The following EXPH5 variants were observed in gnomAD, a reference collection of about 807,000 sequenced individuals.
EXPH5 encodes exophilin-5.
Under a neutral mutation model 41.1 loss-of-function variants are expected in EXPH5, and 42 were observed. That is an observed-to-expected ratio of 1.02 (90% CI 0.80 to 1.32). The LOEUF is 1.32. EXPH5 is among the 40% of genes most tolerant of loss of function. The pLI, the probability that EXPH5 is intolerant of heterozygous loss-of-function variation, is 0.00. For synonymous variants in EXPH5, 798 were observed against 833.5 expected, an observed-to-expected ratio of 0.96 and a Z score of 0.73; for missense variants, 2,298 against 2,314.5, an observed-to-expected ratio of 0.99 and a Z score of 0.15.
upstream of EXPH5, among the ~76,000 whole-genome samples, chr11:108,595,496 C>T (rs1347984597): frequency 6.6e-6 from 1 of 152,168 alleles, no homozygotes; most frequent in Non-Finnish European, 1.5e-5. Flanking sequence ...CTCATATTCC[C>T]TCAACCTCTT....
intron 1 of EXPH5, 54 bp downstream of exon 1, chr11:108,593,364 C>T (rs2094133075): frequency 1.3e-6 from 2 of 1,521,912 alleles, no homozygotes; most frequent in African/African-American, 1.4e-5. Context: ...CCCGCGGATC[C>T]CCGGCCCCTG....
rs1447525685 is a variant in EXPH5 at position 108,507,250 on chromosome 11, A to G, written c.*2287T>C. ...GTTCATTAGCTTTGAGTTGCATGGG[A>G]ACCATGTAAAGTAACCCACGCATTT... On this transcript the variant is annotated 3_prime_UTR_variant, in exon 6 of 6. Transcript: ENST00000265843. 1 of 152,182 alleles carries G rather than the reference A, an allele frequency of 6.6e-6. No homozygotes were observed. Among genetic ancestry groups the G allele is most frequent in the Non-Finnish European group, 1.5e-5 (1 of 68,034 alleles). 9.4% of individuals were successfully genotyped at this position (152,182 alleles called of 1,614,324 possible). A position where few individuals can be genotyped will look rare whatever the true frequency, so the allele number is the denominator to read the frequency against.
chr11:108,579,791 TG>T (rs1475113168), intron 1 of EXPH5, among the ~76,000 whole-genome samples: 1 of 152,086 alleles, frequency 6.6e-6, no homozygotes, highest in Admixed American at 6.6e-5. Context: ...AACCCAGAAA[TG>T]AGCATTGGTG....
chr11:108,541,712 C>T lies in EXPH5; in HGVS notation c.220G>A (p.Val74Ile), dbSNP rs747914907. The change falls in exon 2 of 6, where the codon GTT becomes ATT. Residue 74 changes from valine to isoleucine, a missense_variant. Physicochemically the swap from Val to Ile is conservative, Grantham distance 29. Coordinates refer to ENST00000265843, the MANE Select transcript of EXPH5 (RefSeq NM_015065.3). ...QRKKFCNETDVSQMLKQPLTY... is the reference protein window; with the variant it reads ...QRKKFCNETDISQMLKQPLTY... ...AGTGGTTGTTTTAACATTTGGCTAACATCTGTTTCATTGCAAAACTTTTTT... is the reference window on the plus strand; with the variant it reads ...AGTGGTTGTTTTAACATTTGGCTAATATCTGTTTCATTGCAAAACTTTTTT... 5.0e-6 allele frequency: 8 copies of T among 1,613,072 alleles called. No individual in the cohort carries two copies. The highest frequency in any genetic ancestry group is 4.5e-5 in the East Asian group (2 of 44,854).
chr11:108,541,460 G>T (rs1308385890), intron 2 of EXPH5, among the ~76,000 whole-genome samples, 192 bp downstream of exon 2: 2 of 151,530 alleles, frequency 1.3e-5, no homozygotes, highest in South Asian at 2.1e-4. Flanking sequence ...AAAAATCCAA[G>T]ACATTATTAC....
chr11:108,556,421 G>T (rs2093990319), intron 1 of EXPH5, among the ~76,000 whole-genome samples: 1 of 152,066 alleles, frequency 6.6e-6, no homozygotes, highest in South Asian at 2.1e-4. Context: ...ACAGGAGAAG[G>T]TCAGTACCAG....
chr11:108,593,383 A>G (rs1176126916), intron 1 of EXPH5, 35 bp downstream of exon 1: 1 of 1,583,648 alleles, frequency 6.3e-7, no homozygotes, highest in Non-Finnish European at 8.7e-7. Context: ...TGCGGGACCC[A>G]GGCCCAGGAC....
intron 4 of EXPH5, among the ~76,000 whole-genome samples, chr11:108,525,964 T>A (rs929030109): frequency 6.6e-6 from 1 of 150,516 alleles, no homozygotes; most frequent in African/African-American, 2.5e-5. Context: ...GCCCAGGCTG[T>A]AGTACAGTGA....
upstream of EXPH5, among the ~76,000 whole-genome samples, chr11:108,596,413 G>A (rs2094138983): frequency 6.6e-6 from 1 of 152,148 alleles, no homozygotes; most frequent in Non-Finnish European, 1.5e-5. Flanking sequence ...GATTAAGAAA[G>A]ACAGAGACGC....
chr11:108,584,757 T>A (rs2136119575), intron 1 of EXPH5, among the ~76,000 whole-genome samples: 1 of 152,342 alleles, frequency 6.6e-6, no homozygotes, highest in Middle Eastern at 3.4e-3. Flanking sequence ...ACATAAATCT[T>A]ATTTCAAAAT....
chr11:108,573,077 A>C (rs2094066317), intron 1 of EXPH5, among the ~76,000 whole-genome samples: 1 of 150,676 alleles, frequency 6.6e-6, no homozygotes. Flanking sequence ...AATAAGAGAG[A>C]GAGAGAGAGA....
the EXPH5 span, among the ~76,000 whole-genome samples, chr11:108,604,795 G>A: frequency 6.6e-6 from 1 of 152,180 alleles, no homozygotes; most frequent in East Asian, 1.9e-4. Context: ...GCTACTACCT[G>A]TGGTCAAGAA....
At chr11:108,532,351 TA>T (rs2093844615) in intron 3 of EXPH5, among the ~76,000 whole-genome samples, 1 of 9,204 alleles carries the variant, frequency 1.1e-4, no homozygotes, top group Non-Finnish European at 2.1e-4. Context: ...TATATATATA[TA>T]TATATATATA....
At chr11:108,597,619 C>A (rs1188793618), upstream of EXPH5, among the ~76,000 whole-genome samples, 2 of 151,956 alleles carry the variant, frequency 1.3e-5, no homozygotes, top group African/African-American at 2.4e-5. Context: ...AATGTCTGTC[C>A]CAGACAACAC....
intron 1 of EXPH5, among the ~76,000 whole-genome samples, chr11:108,558,151 C>T (rs1450026723): frequency 1.3e-5 from 2 of 152,112 alleles, no homozygotes; most frequent in Non-Finnish European, 2.9e-5. Context: ...CCATGTTGTC[C>T]AGGCTGGTCT....
chr11:108,595,094 A>G (rs1447979822), upstream of EXPH5, among the ~76,000 whole-genome samples: 2 of 152,214 alleles, frequency 1.3e-5, no homozygotes, highest in Non-Finnish European at 2.9e-5. Flanking sequence ...GGACTTTTCA[A>G]TATGGTCACT....
chr11:108,535,976 T>A (rs2093877013), intron 3 of EXPH5, among the ~76,000 whole-genome samples: 1 of 152,200 alleles, frequency 6.6e-6, no homozygotes, highest in African/African-American at 2.4e-5. Context: ...ACTGAAATTC[T>A]ATGTTAGGGG....
Position 108,514,044 on chromosome 11 carries a change from G to A in EXPH5, c.1463C>T (p.Ser488Phe), listed in dbSNP as rs1253771083. Residue 488 changes from serine (S) to phenylalanine (F), a missense_variant, in exon 6 of 6, where the codon TCT becomes TTT. Ser to Phe is a radical substitution (Grantham distance 155, BLOSUM62 -2). Coordinates refer to ENST00000265843, the MANE Select transcript of EXPH5 (RefSeq NM_015065.3). ...GPFWGQEKGH[S>F]FWSDFHRSRK... Reference sequence around the variant, plus strand: ...GCTTCGATGAAAGTCAGACCAGAAAGAATGTCCTTTCTCTTGGCCCCAAAA... The same window carrying A: ...GCTTCGATGAAAGTCAGACCAGAAAAAATGTCCTTTCTCTTGGCCCCAAAA... The A allele has an allele frequency of 1.9e-6, 3 of 1,614,164 alleles. No individual in the cohort carries two copies. Among genetic ancestry groups the A allele is most frequent in the Non-Finnish European group, 2.5e-6 (3 of 1,180,006 alleles).
At chr11:108,581,714 G>A (rs977723505) in intron 1 of EXPH5, among the ~76,000 whole-genome samples, 2 of 151,812 alleles carry the variant, frequency 1.3e-5, no homozygotes, top group Admixed American at 6.6e-5. Flanking sequence ...ACAAAAAGCA[G>A]GTCCTTTGAA....
Sources: gnomAD v4.1 joint callset for allele counts (sites outside exome capture counted in the v4.1 genomes callset) on GRCh38, gnomAD v4.1.1 for gene constraint, MANE v1.5 for transcripts, NCBI Gene and HGNC (gene_info 2026-07-23, HGNC 2026-07-21) for gene names.